MDN1: variants seen among roughly 807,000 people sequenced by gnomAD.
The protein encoded by MDN1 is midasin.
In MDN1, 266 loss-of-function variants were observed where a neutral mutation model predicts 669.2. That is an observed-to-expected ratio of 0.40 (90% CI 0.36 to 0.44). The LOEUF is 0.44. Ranked by LOEUF, MDN1 falls within the 20% of genes least tolerant of loss-of-function variation. MDN1 has a pLI of 1.00. For missense variants in MDN1, 5,940 were observed against 6,754.0 expected, an observed-to-expected ratio of 0.88 and a Z score of 4.22; for synonymous variants, 2,385 against 2,457.1, an observed-to-expected ratio of 0.97 and a Z score of 0.87.
At chr6:89,661,703 AT>A in intron 87 of MDN1, 125 bp from the exon 88 acceptor site, 1 of 933,924 alleles carries the variant, frequency 1.1e-6, no homozygotes, top group African/African-American at 1.7e-5. Flanking sequence ...ATTCCCTAAA[AT>A]TATCTGCACA....
rs927330222 is a variant in MDN1, at chr6:89,736,779, G to A, written c.4723+1547C>T. Among the ~76,000 whole-genome samples, 14 of 152,254 alleles carry A rather than the reference G, an allele frequency of 9.2e-5. 2 individuals are homozygous for A. Among genetic ancestry groups the A allele is most frequent in the Admixed American group, 8.5e-4 (13 of 15,296 alleles). On this transcript the variant is annotated intron_variant, in intron 33 of 101. Coordinates refer to ENST00000369393, the MANE Select transcript of MDN1 (RefSeq NM_014611.3). ...ACTGCACTCCAGCCTGGGTGACAGA[G>A]ACCTTGTCTCCCCACAACCCCCCAG...
rs1815414289 is a variant in MDN1 at position 89,729,125 on chromosome 6, T to C, written c.5155A>G (p.Arg1719Gly). Residue 1719 changes from arginine to glycine, a missense_variant, in exon 36 of 102, where the codon AGG (arginine) becomes GGG (glycine). Arg to Gly is a moderately radical substitution (Grantham distance 125). Transcript: ENST00000369393. ...AGTGCATAGTCTGCAATATTATTCCTGTGTAGGACAGGTCCTTAAGTGGAG... is the reference window on the plus strand; with the variant it reads ...AGTGCATAGTCTGCAATATTATTCCCGTGTAGGACAGGTCCTTAAGTGGAG... Reference protein sequence around the residue: ...FFIPRGPVLHRNNIADYALSA... With the variant: ...FFIPRGPVLHGNNIADYALSA... 6.2e-7 allele frequency: 1 copy of C among 1,612,990 alleles called. No individual in the cohort carries two copies. Among genetic ancestry groups the C allele is most frequent in the South Asian group, 1.1e-5 (1 of 91,016 alleles).
At position 89,664,583 on chromosome 6, in the gene MDN1, G is replaced by T. The variant is rs1489243756; in HGVS notation, c.14140C>A (p.Pro4714Thr). ...QKGQEKDKED[P>T]DSKSDIKGED... ...CCCTTAATATCAGATTTTGAATCAGGATCCTCTTTGTCTTTTTCTTGACCC... is the reference window on the plus strand; with the variant it reads ...CCCTTAATATCAGATTTTGAATCAGTATCCTCTTTGTCTTTTTCTTGACCC... The change falls in exon 85 of 102, where the codon CCT becomes ACT. Residue 4714 changes from proline to threonine, a missense_variant. Around this residue, in one of 5 missense-constraint regions of MDN1, gnomAD observed 2,280 missense variants for 2,576.3 expected, o/e 0.88. Transcript: ENST00000369393. 5 of 1,613,310 alleles carry T rather than the reference G, an allele frequency of 3.1e-6. No homozygotes were observed. The highest frequency in any genetic ancestry group is 4.2e-6 in the Non-Finnish European group (5 of 1,179,362).
chr6:89,747,890 C>CAAAAAAAA (rs55885838), intron 26 of MDN1, among the ~76,000 whole-genome samples: 1 of 84,048 alleles, frequency 1.2e-5, no homozygotes, highest in African/African-American at 4.9e-5. Context: ...GACTCCGTCT[C>CAAAAAAAA]AAAAAAAAAA....
At chr6:89,700,349 TA>T in intron 56 of MDN1, 55 bp from the exon 57 acceptor site, 1 of 1,394,946 alleles carries the variant, frequency 7.2e-7, no homozygotes. Flanking sequence ...GTATAGCCTC[TA>T]GATTCTCAAC....
At chr6:89,765,112 G>A (rs1359953042) in intron 15 of MDN1, among the ~76,000 whole-genome samples, 1 of 152,120 alleles carries the variant, frequency 6.6e-6, no homozygotes, top group Non-Finnish European at 1.5e-5. Flanking sequence ...AAAAAAATTA[G>A]CCAGGCATAG....
Position 89,673,383 on chromosome 6 carries a change from A to C in MDN1, c.13327T>G (p.Phe4443Val). The C allele has an allele frequency of 6.2e-7, 1 of 1,614,204 alleles. No homozygotes were observed. Among genetic ancestry groups the C allele is most frequent in the Non-Finnish European group, 8.5e-7 (1 of 1,180,030 alleles). ...TCAACCTCCATCCCTGGAAGAATGA[A>C]CAAGGACTCTAGGCCCTGCAAATGA... ...SVHLQGLESL[F>V]ILPGMEVEQR... The change falls in exon 80 of 102, where the codon TTC becomes GTC. Residue 4443 changes from phenylalanine to valine, a missense_variant. Physicochemically the swap from Phe to Val is conservative, Grantham distance 50 (BLOSUM62 -1). This residue lies in a region of MDN1 where 2,280 missense variants were observed against 2,576.3 expected (regional missense o/e 0.88). Coordinates refer to ENST00000369393, the MANE Select transcript of MDN1 (RefSeq NM_014611.3).
At chr6:89,734,100 C>A (rs1040737405) in intron 33 of MDN1, among the ~76,000 whole-genome samples, 1 of 152,036 alleles carries the variant, frequency 6.6e-6, no homozygotes, top group African/African-American at 2.4e-5. Context: ...CCCTGGCCAA[C>A]ATGGTGAAAC....
chr6:89,732,762 A>G lies in MDN1; in HGVS notation c.4737T>C (p.Pro1579=). The G allele has an allele frequency of 6.2e-7, 1 of 1,614,070 alleles. No individual in the cohort carries two copies. Among genetic ancestry groups the G allele is most frequent in the Non-Finnish European group, 8.5e-7 (1 of 1,179,970 alleles). Residue 1579 remains proline, a synonymous_variant, in exon 34 of 102, where the codon CCT becomes CCC. Coordinates refer to ENST00000369393, the MANE Select transcript of MDN1 (RefSeq NM_014611.3). The part of the protein sequence containing the change: ...GRIDPKGSDI[P]EVMLDFIDWL... ...AGTCAATGAAATCCAGCATCACTTCAGGTATGTCAGACCCTAAACACAAGA... is the reference window on the plus strand; with the variant it reads ...AGTCAATGAAATCCAGCATCACTTCGGGTATGTCAGACCCTAAACACAAGA...
At chr6:89,754,335 C>T in intron 20 of MDN1, 105 bp from the exon 21 acceptor site, 1 of 1,188,686 alleles carries the variant, frequency 8.4e-7, no homozygotes, top group Non-Finnish European at 1.2e-6. Context: ...CAGAAATGAT[C>T]ATGCACACAA....
At chr6:89,773,539 CAAAA>C (rs531119611) in intron 13 of MDN1, among the ~76,000 whole-genome samples, 1 of 78,456 alleles carries the variant, frequency 1.3e-5, no homozygotes, top group African/African-American at 4.1e-5. Context: ...GACTCCATCT[CAAAA>C]AAAAAAAAAA....
chr6:89,664,905 A>G (rs1472622938), intron 84 of MDN1, among the ~76,000 whole-genome samples: 1 of 152,204 alleles, frequency 6.6e-6, no homozygotes, highest in Non-Finnish European at 1.5e-5. Flanking sequence ...TGTAGGATAA[A>G]AAATTCATCA....
chr6:89,751,484 C>T lies in MDN1; in HGVS notation c.3174G>A (p.Leu1058=), dbSNP rs757078468. 1.4e-5 allele frequency: 22 copies of T among 1,614,178 alleles called. No homozygotes were observed. The highest frequency in any genetic ancestry group is 1.9e-5 in the Non-Finnish European group (22 of 1,180,034). The change falls in exon 23 of 102, where the codon CTG becomes CTA. Residue 1058 remains leucine, a synonymous_variant. Coordinates refer to ENST00000369393, the MANE Select transcript of MDN1 (RefSeq NM_014611.3). ...TCAGGTTCAGCTTCACAGAAGATGT[C>T]AGAATGTACGTCTCATCTATTGTAG... The part of the protein sequence containing the change: ...KEPTIDETYI[L]TSSVKLNLRD...
chr6:89,754,194 T>C lies in MDN1; in HGVS notation c.2853A>G (p.Lys951=). 5 of 1,613,968 alleles carry C rather than the reference T, an allele frequency of 3.1e-6. No individual in the cohort carries two copies. Among genetic ancestry groups the C allele is most frequent in the Non-Finnish European group, 4.2e-6 (5 of 1,179,896 alleles). Residue 951 remains lysine, a synonymous_variant, in exon 21 of 102, where the codon AAA becomes AAG. Coordinates refer to ENST00000369393, the MANE Select transcript of MDN1 (RefSeq NM_014611.3). ...YTALRKESGT[K]LVDGTGHRPH... Reference sequence around the variant, plus strand: ...GTCTATGGCCAGTGCCATCCACCAGTTTGGTCCCAGACTCTTTCCGCAAAG... The same window carrying C: ...GTCTATGGCCAGTGCCATCCACCAGCTTGGTCCCAGACTCTTTCCGCAAAG...
chr6:89,819,767 G>C lies in MDN1; in HGVS notation c.-160C>G. ...ACACCGGGAGAGGGGCACCACACGTGGGTGAGCACACGGCGTTTGACGTCA... is the reference window on the plus strand; with the variant it reads ...ACACCGGGAGAGGGGCACCACACGTCGGTGAGCACACGGCGTTTGACGTCA... On this transcript the variant is annotated 5_prime_UTR_variant, in exon 1 of 102. Transcript: ENST00000369393. The C allele has an allele frequency of 1.6e-6, 1 of 621,224 alleles. No individual in the cohort carries two copies. The allele number at this position is 621,224 out of a possible 1,614,324, so 38.5% of individuals were successfully genotyped here.
chr6:89,805,175 A>G (rs1767937847), intron 1 of MDN1, among the ~76,000 whole-genome samples: 1 of 152,172 alleles, frequency 6.6e-6, no homozygotes, highest in Non-Finnish European at 1.5e-5. Flanking sequence ...CTGCCCAGCA[A>G]TGTAACATCA....
At chr6:89,815,326 G>T in intron 1 of MDN1, 1 of 480,298 alleles carries the variant, frequency 2.1e-6, no homozygotes, top group South Asian at 1.6e-5. Flanking sequence ...GCTGTCCCAA[G>T]AGCTGGATGA....
At position 89,674,098 on chromosome 6, in the gene MDN1, A is replaced by G. The variant is rs770660187; in HGVS notation, c.13247+6T>C. On this transcript the variant is annotated splice_donor_region_variant and intron_variant, in intron 79 of 101. Coordinates refer to ENST00000369393, the MANE Select transcript of MDN1 (RefSeq NM_014611.3). Reference sequence around the variant, plus strand: ...CAGAGAAGTGTAAAGACATAGACACACTTACCAAGAATGAAAGAGAGTCTC... The same window carrying G: ...CAGAGAAGTGTAAAGACATAGACACGCTTACCAAGAATGAAAGAGAGTCTC... The G allele has an allele frequency of 4.3e-6, 7 of 1,613,424 alleles. No homozygotes were observed. Among genetic ancestry groups the G allele is most frequent in the Non-Finnish European group, 5.1e-6 (6 of 1,179,516 alleles).
intron 37 of MDN1, among the ~76,000 whole-genome samples, chr6:89,727,056 T>C (rs990439272): frequency 3.9e-5 from 6 of 152,260 alleles, no homozygotes; most frequent in African/African-American, 1.4e-4. Flanking sequence ...CTGGCTAATA[T>C]ATATTCTATC....
Sources: gnomAD v4.1 joint callset for allele counts (sites outside exome capture counted in the v4.1 genomes callset) on GRCh38, gnomAD v4.1.1 for gene constraint, gnomAD v4.1.1 regional missense constraint, MANE v1.5 for transcripts, NCBI Gene and HGNC (gene_info 2026-07-23, HGNC 2026-07-21) for gene names.